WDR59: variants seen among roughly 807,000 people sequenced by gnomAD.
WDR59 encodes GATOR2 complex protein WDR59.
In WDR59, 100 loss-of-function variants were observed where a neutral mutation model predicts 131.2. The observed-to-expected ratio is 0.76, with a 90% CI of 0.65 to 0.90. The LOEUF (loss-of-function observed/expected upper bound fraction) is 0.90, where lower values mean the gene tolerates loss of function less well. WDR59 is among the 40% of genes least tolerant of loss of function. The probability of loss-of-function intolerance (pLI) is 0.00; values close to 1 mark genes in which losing one functional copy is unlikely to be tolerated. For missense variants in WDR59, 1,203 were observed against 1,262.2 expected, an observed-to-expected ratio of 0.95 and a Z score of 0.71; for synonymous variants, 601 against 466.2, an observed-to-expected ratio of 1.29 and a Z score of -3.72.
chr16:74,882,394 T>C (rs1964530493), intron 25 of WDR59, among the ~76,000 whole-genome samples: 1 of 152,222 alleles, frequency 6.6e-6, no homozygotes, highest in African/African-American at 2.4e-5. Context: ...AAAATAATCC[T>C]TGAAAGTCAC....
At chr16:74,877,253 C>A (rs1173714137) in intron 25 of WDR59, among the ~76,000 whole-genome samples, 17 of 152,000 alleles carry the variant, frequency 1.1e-4, no homozygotes, top group Non-Finnish European at 2.1e-4. Context: ...CACACACACA[C>A]AAACACACAA....
chr16:74,976,617 A>C lies in WDR59; in HGVS notation c.54+8347T>G, dbSNP rs536784346. On this transcript the variant is annotated intron_variant, in intron 1 of 25. Transcript: ENST00000262144. ...CCACCACACCTGGCTAATTTTCTGT[A>C]TTTTTAGTAGAGACAGGGTTTCACT... Among the ~76,000 whole-genome samples, 51 of 151,498 alleles carry C rather than the reference A, an allele frequency of 3.4e-4. 2 individuals are homozygous for C. In the South Asian group the frequency reaches 0.01, roughly 31 times the overall value.
chr16:74,981,627 T>C (rs1266695438), intron 1 of WDR59, among the ~76,000 whole-genome samples: 1 of 2,032 alleles, frequency 4.9e-4, no homozygotes, highest in Non-Finnish European at 1.8e-3. Context: ...TATATATATA[T>C]ATATATATAT....
intron 1 of WDR59, among the ~76,000 whole-genome samples, chr16:74,983,577 T>A (rs1214239137): frequency 6.6e-6 from 1 of 152,004 alleles, no homozygotes; most frequent in Admixed American, 6.6e-5. Flanking sequence ...CTACCCACTA[T>A]GAGTAAAGTA....
chr16:74,981,426 T>G (rs2034399434), intron 1 of WDR59, among the ~76,000 whole-genome samples: 1 of 148,228 alleles, frequency 6.7e-6, no homozygotes, highest in Non-Finnish European at 1.5e-5. Flanking sequence ...GGCTTGGTGG[T>G]GTGCACCTGT....
chr16:74,873,862 G>A lies in WDR59; in HGVS notation c.*347C>T. 1 of 233,858 alleles carries A rather than the reference G, an allele frequency of 4.3e-6. No homozygotes were observed. Among genetic ancestry groups the A allele is most frequent in the East Asian group, 1.0e-4 (1 of 9,564 alleles). 14.5% of individuals were successfully genotyped at this position (233,858 alleles called of 1,614,324 possible). A position where few individuals can be genotyped will look rare whatever the true frequency, so the allele number is the denominator to read the frequency against. On this transcript the variant is annotated 3_prime_UTR_variant, in exon 26 of 26. Transcript: ENST00000262144. Reference sequence around the variant, plus strand: ...TGGCATCAAGAGAACGCTGCTCGGTGGTTTAAGGCTAACACCTTACAGGGT... The same window carrying A: ...TGGCATCAAGAGAACGCTGCTCGGTAGTTTAAGGCTAACACCTTACAGGGT...
intron 9 of WDR59, among the ~76,000 whole-genome samples, chr16:74,923,710 G>A (rs1016972726): frequency 6.6e-6 from 1 of 152,072 alleles, no homozygotes; most frequent in Non-Finnish European, 1.5e-5. Context: ...CCTGACCTCA[G>A]GGGATCCAGG....
In WDR59 at chr16:74,935,418, C is replaced by A. The variant is rs891776577; in HGVS notation, c.651+2732G>T. Among the ~76,000 whole-genome samples, 13 of 151,966 alleles carry A rather than the reference C, an allele frequency of 8.6e-5. No individual in the cohort carries two copies. The South Asian group carries it at 1.2e-3, about 15-fold the overall frequency. On this transcript the variant is annotated intron_variant, in intron 8 of 25. Transcript: ENST00000262144. ...TTCTAAGGGCCACATAAGAAAAATT[C>A]TTTTCTTTCTTCTTGATCTATCCCT... is the stretch of plus-strand genomic sequence containing the variant.
intron 2 of WDR59, among the ~76,000 whole-genome samples, chr16:74,963,862 A>C (rs8051421): frequency 0.55 from 83,513 of 151,422 alleles, 24,248 homozygotes; most frequent in East Asian, 0.77. Context: ...ACATCAGCGA[A>C]TACACTCCAG....
At chr16:74,925,195 T>C (rs1196663370) in intron 8 of WDR59, among the ~76,000 whole-genome samples, 4 of 152,128 alleles carry the variant, frequency 2.6e-5, no homozygotes, top group Non-Finnish European at 5.9e-5. Context: ...ACAACTTAGA[T>C]GACTCTTAAA....
intron 1 of WDR59, among the ~76,000 whole-genome samples, chr16:74,982,183 GAA>G (rs1201482320): frequency 5.3e-5 from 8 of 150,896 alleles, no homozygotes; most frequent in Admixed American, 2.6e-4. Context: ...GGAGTGTTTT[GAA>G]AAGTTTATTG....
chr16:74,907,323 G>A (rs1222283019), intron 17 of WDR59, among the ~76,000 whole-genome samples: 4 of 152,176 alleles, frequency 2.6e-5, no homozygotes, highest in Non-Finnish European at 5.9e-5. Context: ...ATCCCCACAT[G>A]TCAAGGGAGG....
At chr16:74,888,942 T>C (rs1054879632) in intron 21 of WDR59, among the ~76,000 whole-genome samples, 2 of 152,228 alleles carry the variant, frequency 1.3e-5, no homozygotes, top group African/African-American at 4.8e-5. Flanking sequence ...CCTTTAAGAA[T>C]GAATAATATT....
chr16:74,970,678 G>A (rs1300043458), intron 1 of WDR59, among the ~76,000 whole-genome samples: 1 of 152,040 alleles, frequency 6.6e-6, no homozygotes, highest in African/African-American at 2.4e-5. Flanking sequence ...CCCCTGCTGA[G>A]CATGGTCTAT....
chr16:74,971,985 G>T (rs2034001832), intron 1 of WDR59, among the ~76,000 whole-genome samples: 1 of 152,224 alleles, frequency 6.6e-6, no homozygotes, highest in Non-Finnish European at 1.5e-5. Flanking sequence ...CTAGGGTTAT[G>T]GGCATGTGCC....
Position 74,894,455 on chromosome 16 carries a change from C to T in WDR59, c.1867-643G>A, listed in dbSNP as rs1965193045. Among the ~76,000 whole-genome samples, 4 of 152,126 alleles carry T rather than the reference C, an allele frequency of 2.6e-5. No individual in the cohort carries two copies. In the South Asian group the frequency reaches 8.3e-4, roughly 32 times the overall value. On this transcript the variant is annotated intron_variant, in intron 18 of 25. Transcript: ENST00000262144. The stretch of plus-strand genomic sequence containing the variant: ...CAAGTATTCGATTTCCCCAGGCTTA[C>T]CTATGGGTGGCTACATGTGTGAGGA...
At chr16:74,978,981 AG>A (rs1285220327) in intron 1 of WDR59, 3 of 152,236 alleles carry the variant, frequency 2.0e-5, no homozygotes, top group Non-Finnish European at 4.4e-5. Flanking sequence ...TCATTAGGTT[AG>A]CCTTGTAACT....
rs961289583 is a variant in WDR59, at chr16:74,881,511, C to T, written c.2689+4142G>A. Among the ~76,000 whole-genome samples, 25 of 152,116 alleles carry T rather than the reference C, an allele frequency of 1.6e-4. 1 individual carries two copies. The highest frequency in any genetic ancestry group is 5.8e-4 in the African/African-American group (24 of 41,514). On this transcript the variant is annotated intron_variant, in intron 25 of 25. Coordinates refer to ENST00000262144, the MANE Select transcript of WDR59 (RefSeq NM_030581.4). The stretch of plus-strand genomic sequence containing the variant: ...CTAGCCTATACTTTTCTTTCAATAC[C>T]TGCTGTGTCCTGTATTGAAGCAGCC...
chr16:74,881,251 G>T (rs1274119407), intron 25 of WDR59, among the ~76,000 whole-genome samples: 1 of 152,212 alleles, frequency 6.6e-6, no homozygotes, highest in Non-Finnish European at 1.5e-5. Flanking sequence ...GATGAAGTCT[G>T]TGGATATGGG....
Sources: allele counts gnomAD v4.1 joint callset (sites outside exome capture counted in the v4.1 genomes callset), GRCh38; gene constraint gnomAD v4.1.1; transcripts MANE v1.5; gene names NCBI Gene and HGNC (gene_info 2026-07-23, HGNC 2026-07-21).